DLC1: variants seen among roughly 807,000 people sequenced by gnomAD.
The protein encoded by DLC1 is DLC1 Rho GTPase activating protein, also known as rho GTPase-activating protein 7.
In DLC1, 54 loss-of-function variants were observed where a neutral mutation model predicts 140.3. The ratio of observed to expected loss-of-function variants is 0.38; its 90% confidence interval spans 0.31 to 0.48. The LOEUF is 0.48. Among genes scored for constraint, DLC1 ranks in the 20% least tolerant of loss-of-function variants. DLC1 has a pLI of 0.96. For missense variants in DLC1, 2,536 were observed against 1,907.0 expected (o/e 1.33, Z -6.14); for synonymous variants, 986 against 728.1 (o/e 1.35, Z -5.70).
chr8:13,132,042 G>C (rs1249340306), intron 5 of DLC1, among the ~76,000 whole-genome samples: 1 of 152,186 alleles, frequency 6.6e-6, no homozygotes, highest in African/African-American at 2.4e-5. Context: ...AGAAGCTGTC[G>C]CCTTGTTACG....
chr8:13,092,585 T>C (rs1254796248), intron 13 of DLC1, 27 bp downstream of exon 13: 1 of 1,609,074 alleles, frequency 6.2e-7, no homozygotes. Context: ...GCCCCCTGTG[T>C]GCATGCACCT....
chr8:13,431,475 T>C (rs1838862270), intron 2 of DLC1, among the ~76,000 whole-genome samples: 1 of 86,406 alleles, frequency 1.2e-5, no homozygotes, highest in Non-Finnish European at 1.9e-5. Context: ...AGAGCGAGAC[T>C]CCGTCTCAAA....
chr8:13,194,666 G>C (rs1490150405), intron 5 of DLC1, among the ~76,000 whole-genome samples: 1 of 152,180 alleles, frequency 6.6e-6, no homozygotes, highest in Non-Finnish European at 1.5e-5. Context: ...CCTTTTCATA[G>C]TCAACTTGAA....
At chr8:13,092,501 TA>T in intron 13 of DLC1, 110 bp downstream of exon 13, 2 of 1,234,580 alleles carry the variant, frequency 1.6e-6, no homozygotes, top group Non-Finnish European at 1.1e-6. Context: ...TATAGCGGTC[TA>T]ACCTTCTTGC....
chr8:13,428,320 A>T (rs1000682558), intron 2 of DLC1, among the ~76,000 whole-genome samples: 4 of 152,114 alleles, frequency 2.6e-5, no homozygotes, highest in Admixed American at 6.5e-5. Flanking sequence ...TATTGTGAGG[A>T]TGTTAGTAGA....
intron 4 of DLC1, among the ~76,000 whole-genome samples, chr8:13,379,711 T>A (rs1031084308): frequency 1.3e-5 from 2 of 152,160 alleles, no homozygotes; most frequent in Admixed American, 6.6e-5. Flanking sequence ...TAGGTATAAA[T>A]GTGCCATGGT....
chr8:13,348,137 A>G (rs1432872200), intron 4 of DLC1, among the ~76,000 whole-genome samples: 3 of 151,332 alleles, frequency 2.0e-5, no homozygotes, highest in Non-Finnish European at 3.0e-5. Flanking sequence ...TGGAGAAGAT[A>G]CCAGATACCA....
chr8:13,440,916 C>T (rs1050015371), intron 2 of DLC1, among the ~76,000 whole-genome samples: 2 of 152,058 alleles, frequency 1.3e-5, no homozygotes, highest in South Asian at 2.1e-4. Context: ...CTCTTCTTCC[C>T]GGTCTCGTGT....
intron 4 of DLC1, among the ~76,000 whole-genome samples, chr8:13,346,981 C>T (rs1834369284): frequency 6.6e-6 from 1 of 152,192 alleles, no homozygotes; most frequent in Non-Finnish European, 1.5e-5. Context: ...ATTCCTATAA[C>T]TTTTATTACA....
At chr8:13,103,811 G>A (rs370348912) in intron 7 of DLC1, among the ~76,000 whole-genome samples, 1 of 135,036 alleles carries the variant, frequency 7.4e-6, no homozygotes, top group African/African-American at 2.9e-5. Flanking sequence ...CTGCACTCCA[G>A]CCTGGGCAAA....
chr8:13,423,354 A>G (rs1486033484), intron 2 of DLC1, among the ~76,000 whole-genome samples: 1 of 152,168 alleles, frequency 6.6e-6, no homozygotes, highest in Non-Finnish European at 1.5e-5. Flanking sequence ...ATGTACTGGC[A>G]TAGTATCGCC....
intron 4 of DLC1, chr8:13,338,827 A>G (rs1233395885): frequency 1.3e-5 from 2 of 152,108 alleles, no homozygotes; most frequent in African/African-American, 4.8e-5. Context: ...GTAACAATAA[A>G]TAGCCTTTGT....
chr8:13,413,142 AG>A (rs1272778932), intron 2 of DLC1, among the ~76,000 whole-genome samples: 1 of 151,976 alleles, frequency 6.6e-6, no homozygotes, highest in Non-Finnish European at 1.5e-5. Flanking sequence ...AAGTAGGGAA[AG>A]AAAGGTAAAG....
At chr8:13,464,264 G>A (rs182879488) in intron 2 of DLC1, among the ~76,000 whole-genome samples, 79 of 152,270 alleles carry the variant, frequency 5.2e-4, no homozygotes, top group Non-Finnish European at 8.7e-4. Context: ...TTACACAAAA[G>A]CAACAGTAGC....
intron 5 of DLC1, among the ~76,000 whole-genome samples, chr8:13,216,960 C>T (rs1443906332): frequency 6.6e-6 from 1 of 152,068 alleles, no homozygotes; most frequent in Non-Finnish European, 1.5e-5. Flanking sequence ...AGGCTGTGGG[C>T]AGCATGTTTG....
chr8:13,261,900 G>C (rs972129224), intron 5 of DLC1, among the ~76,000 whole-genome samples: 1 of 152,186 alleles, frequency 6.6e-6, no homozygotes, highest in African/African-American at 2.4e-5. Flanking sequence ...CTACTTCACA[G>C]AGTTATTAAG....
intron 2 of DLC1, among the ~76,000 whole-genome samples, chr8:13,425,607 G>A (rs949896955): frequency 6.6e-6 from 1 of 152,018 alleles, no homozygotes; most frequent in Non-Finnish European, 1.5e-5. Context: ...AAGTGAGACT[G>A]TTGCATTTTA....
In DLC1 at chr8:13,430,483, C is replaced by G. The variant is rs564397089; in HGVS notation, c.1024-28864G>C. ...TCAGGTGATGATTACATATTAGAGT[C>G]CAAGAAGCTATTGCCCTCATTTTCA... On this transcript the variant is annotated intron_variant, in intron 2 of 17. Coordinates refer to ENST00000276297, the MANE Select transcript of DLC1 (RefSeq NM_182643.3). Among the ~76,000 whole-genome samples, 8 of 152,166 alleles carry G rather than the reference C, an allele frequency of 5.3e-5. No homozygotes were observed. The East Asian group carries it at 1.5e-3, about 29-fold the overall frequency.
chr8:13,527,123 A>G (rs769039427), intron 1 of DLC1, among the ~76,000 whole-genome samples: 17 of 152,170 alleles, frequency 1.1e-4, no homozygotes, highest in Non-Finnish European at 2.1e-4. Flanking sequence ...ACTTAAAGCT[A>G]CTGATCGATT....
Sources: allele counts gnomAD v4.1 joint callset (sites outside exome capture counted in the v4.1 genomes callset), GRCh38; gene constraint gnomAD v4.1.1; transcripts MANE v1.5; gene names NCBI Gene and HGNC (gene_info 2026-07-23, HGNC 2026-07-21).